The following ESRRG variants were observed in gnomAD, a reference collection of about 807,000 sequenced individuals.
The protein encoded by ESRRG is estrogen related receptor gamma, also known as estrogen-related receptor gamma.
ESRRG carries 13 observed loss-of-function variants against 44.0 expected under a neutral mutation model. The ratio of observed to expected loss-of-function variants is 0.30; its 90% CI spans 0.19 to 0.47. The LOEUF (loss-of-function observed/expected upper bound fraction) is 0.47, where lower values mean the gene tolerates loss of function less well. Ranked by LOEUF, ESRRG falls within the 20% of genes least tolerant of loss-of-function variation. The pLI is 1.00. For missense variants in ESRRG, 395 were observed against 580.6 expected (o/e 0.68, Z 3.29); for synonymous variants, 215 against 214.6 (o/e 1.00, Z -0.02).
intron 2 of ESRRG, among the ~76,000 whole-genome samples, chr1:216,897,230 A>C (rs2058535905): frequency 6.6e-6 from 1 of 152,172 alleles, no homozygotes; most frequent in African/African-American, 2.4e-5. Context: ...GAGTAAAACC[A>C]CTAAATTACT....
chr1:217,083,384 T>A (rs1262220641), intron 1 of ESRRG, among the ~76,000 whole-genome samples: 5 of 149,630 alleles, frequency 3.3e-5, no homozygotes, highest in Non-Finnish European at 7.4e-5. Context: ...AAGTAAATAG[T>A]TAGTTTATAG....
chr1:216,735,874 G>T (rs2089768819), intron 2 of ESRRG, among the ~76,000 whole-genome samples: 1 of 151,326 alleles, frequency 6.6e-6, no homozygotes, highest in Non-Finnish European at 1.5e-5. Context: ...AACTACTCGG[G>T]AGGCTGAGGC....
chr1:216,597,586 A>G (rs532937659), intron 3 of ESRRG, among the ~76,000 whole-genome samples: 3 of 152,354 alleles, frequency 2.0e-5, no homozygotes, highest in East Asian at 3.9e-4. Flanking sequence ...TGTATTTCAA[A>G]TGCTTCCCAG....
intron 1 of ESRRG, among the ~76,000 whole-genome samples, chr1:216,683,303 A>C (rs1046773341): frequency 5.9e-5 from 9 of 152,222 alleles, no homozygotes; most frequent in Non-Finnish European, 1.3e-4. Flanking sequence ...AAACACATGG[A>C]CAACTTATGC....
At chr1:216,699,362 A>T (rs1386745961) in intron 1 of ESRRG, among the ~76,000 whole-genome samples, 1 of 152,242 alleles carries the variant, frequency 6.6e-6, no homozygotes, top group Non-Finnish European at 1.5e-5. Context: ...TGGCATTCTT[A>T]GACTTCCAAC....
chr1:216,855,120 T>C (rs933655665), intron 2 of ESRRG: 6 of 152,172 alleles, frequency 3.9e-5, no homozygotes, highest in African/African-American at 1.2e-4. Flanking sequence ...CATATATATT[T>C]TCACCCTGAA....
At chr1:216,620,353 T>C (rs991931898) in intron 3 of ESRRG, among the ~76,000 whole-genome samples, 3 of 152,232 alleles carry the variant, frequency 2.0e-5, no homozygotes, top group Admixed American at 2.0e-4. Flanking sequence ...TATTATCTAA[T>C]ATATTTTAGA....
chr1:216,728,341 A>T (rs546093898), upstream of ESRRG, among the ~76,000 whole-genome samples: 2 of 152,174 alleles, frequency 1.3e-5, no homozygotes, highest in Non-Finnish European at 2.9e-5. Flanking sequence ...AAATATTCCT[A>T]TAGAAAGAGT....
At chr1:216,892,444 C>T (rs907636478) in intron 2 of ESRRG, among the ~76,000 whole-genome samples, 1 of 152,136 alleles carries the variant, frequency 6.6e-6, no homozygotes, top group African/African-American at 2.4e-5. Flanking sequence ...TATATACTAC[C>T]TCTCCTGGGG....
intron 5 of ESRRG, among the ~76,000 whole-genome samples, chr1:216,551,589 A>G (rs2056353693): frequency 6.6e-6 from 1 of 152,170 alleles, no homozygotes; most frequent in Non-Finnish European, 1.5e-5. Flanking sequence ...AGACGTGTTA[A>G]AACCCTCAGA....
At chr1:216,969,596 CT>C (rs35254711) in intron 1 of ESRRG, among the ~76,000 whole-genome samples, 1 of 151,922 alleles carries the variant, frequency 6.6e-6, no homozygotes, top group South Asian at 2.1e-4. Flanking sequence ...ATTTTCTTTC[CT>C]TTTTTGAGAC....
chr1:216,778,363 A>G lies in ESRRG; in HGVS notation c.-13-100872T>C, dbSNP rs565535420. Among the ~76,000 whole-genome samples the G allele has an allele frequency of 4.6e-5, 7 of 152,188 alleles. No homozygotes were observed. In the South Asian group the frequency reaches 1.5e-3, roughly 32 times the overall value. ...CAGTCATTAGAGCCTTGGGAGAGGC[A>G]TGGATAATTCCTGGGGAGGGACTCA... On this transcript the variant is annotated intron_variant, in intron 2 of 7. Transcript: ENST00000359162.
chr1:216,851,190 AAG>A (rs1452568403), intron 2 of ESRRG, among the ~76,000 whole-genome samples: 1 of 151,910 alleles, frequency 6.6e-6, no homozygotes, highest in Non-Finnish European at 1.5e-5. Flanking sequence ...ACTAATTAGA[AAG>A]ATAATTTTTT....
At chr1:216,873,994 AGGGAGGGAGGGAGTGGGTT>A (rs1465066674) in intron 2 of ESRRG, among the ~76,000 whole-genome samples, 3 of 18,866 alleles carry the variant, frequency 1.6e-4, no homozygotes, top group African/African-American at 2.1e-4. Flanking sequence ...AGGGGGAAGG[AGGGAGGGAGGGAGTGGGTT>A]GGGAGGGAGG....
intron 1 of ESRRG, among the ~76,000 whole-genome samples, chr1:216,965,328 A>G (rs1287771170): frequency 6.7e-6 from 1 of 150,288 alleles, no homozygotes; most frequent in Admixed American, 6.8e-5. Flanking sequence ...GCCTATCAGC[A>G]GCTCCATTTT....
rs573615730 is a variant in ESRRG, at chr1:216,632,901, T to C, written c.589+18072A>G. On this transcript the variant is annotated intron_variant, in intron 3 of 6. Coordinates refer to ENST00000408911, the MANE Select transcript of ESRRG (RefSeq NM_001438.4). ...ATTATAAAGTCAATAAATAGAGCTA[T>C]AGACAGCTGGCTTTGTATAATATCC... Among the ~76,000 whole-genome samples, 9 of 152,350 alleles carry C rather than the reference T, an allele frequency of 5.9e-5. No individual in the cohort carries two copies. In the South Asian group the frequency reaches 1.0e-3, roughly 18 times the overall value.
intron 1 of ESRRG, among the ~76,000 whole-genome samples, chr1:216,963,354 C>T (rs1004761522): frequency 6.6e-6 from 1 of 152,074 alleles, no homozygotes; most frequent in Non-Finnish European, 1.5e-5. Context: ...AACAATCTTG[C>T]TTAGAGGTAA....
At chr1:216,726,293 A>G (rs79443619), upstream of ESRRG, among the ~76,000 whole-genome samples, 11,413 of 152,178 alleles carry the variant, frequency 0.075, 506 homozygotes, top group South Asian at 0.11. Flanking sequence ...TAAAGACTGT[A>G]CTTACTGTCT....
chr1:216,933,504 G>C (rs1037369873), intron 2 of ESRRG, among the ~76,000 whole-genome samples: 2 of 152,074 alleles, frequency 1.3e-5, no homozygotes, highest in Admixed American at 1.3e-4. Flanking sequence ...CTCCCTCCAT[G>C]GCTGATTTGA....
Sources: gnomAD v4.1 joint callset for allele counts (sites outside exome capture counted in the v4.1 genomes callset) on GRCh38, gnomAD v4.1.1 for gene constraint, MANE v1.5 for transcripts, NCBI Gene and HGNC (gene_info 2026-07-23, HGNC 2026-07-21) for gene names.